Variants in AGO1 observed in about 807,000 individuals in gnomAD.
AGO1 encodes argonaute RISC component 1, also known as protein argonaute-1.
Under a neutral mutation model 109.2 loss-of-function variants are expected in AGO1, and 11 were observed. The ratio of observed to expected loss-of-function variants is 0.10; its 90% CI spans 0.06 to 0.17. The LOEUF is 0.17. Among genes scored for constraint, AGO1 ranks in the 10% least tolerant of loss-of-function variants. AGO1 has a pLI of 1.00. For synonymous variants in AGO1, 422 were observed against 418.6 expected (o/e 1.01, Z -0.10); for missense variants, 574 against 1,140.3 (o/e 0.50, Z 7.15).
In AGO1 at chr1:35,883,329, G is replaced by A. The variant is rs1645060253; in HGVS notation, c.-93G>A. 3 of 1,524,546 alleles carry A rather than the reference G, an allele frequency of 2.0e-6. No homozygotes were observed. Among genetic ancestry groups the A allele is most frequent in the African/African-American group, 2.9e-5 (2 of 69,738 alleles). The allele number at this position is 1,524,546 out of a possible 1,614,324, so 94.4% of individuals were successfully genotyped here. ...TTGGTAGGGGAGCCGAGCCCGGCCCGGGATCCCGAGCAGCGAGAGTGTGGG... is the reference window on the plus strand; with the variant it reads ...TTGGTAGGGGAGCCGAGCCCGGCCCAGGATCCCGAGCAGCGAGAGTGTGGG... On this transcript the variant is annotated 5_prime_UTR_variant, in exon 1 of 19. Transcript: ENST00000373204. This position sits in a 1 kb window ranked among gnomAD's most constrained non-coding sequence, Gnocchi z 5.4.
At chr1:35,895,091 G>A in intron 7 of AGO1, 31 bp from the exon 8 acceptor site, 2 of 1,588,158 alleles carry the variant, frequency 1.3e-6, no homozygotes, top group Non-Finnish European at 1.7e-6. Flanking sequence ...GCTGGGTTAT[G>A]ACACCCCCTT....
chr1:35,915,072 C>G (rs1349492130), intron 14 of AGO1, among the ~76,000 whole-genome samples: 2 of 152,148 alleles, frequency 1.3e-5, no homozygotes, highest in Admixed American at 1.3e-4. Flanking sequence ...TATCAAGTAC[C>G]TACTGTGGGC....
intron 12 of AGO1, among the ~76,000 whole-genome samples, chr1:35,911,931 T>C (rs1232797483): frequency 6.6e-6 from 1 of 152,208 alleles, no homozygotes; most frequent in Non-Finnish European, 1.5e-5. Context: ...TATCTTAGTC[T>C]TCCTTCTAGC....
At chr1:35,886,018 G>GA (rs943404025) in intron 1 of AGO1, among the ~76,000 whole-genome samples, 1 of 152,204 alleles carries the variant, frequency 6.6e-6, no homozygotes, top group Admixed American at 6.5e-5. Context: ...GGCTCCTTGG[G>GA]AGGTGTGTGG....
At chr1:35,913,724 AC>A in intron 12 of AGO1, 117 bp from the exon 13 acceptor site, 1 of 1,018,854 alleles carries the variant, frequency 9.8e-7, no homozygotes, top group Non-Finnish European at 1.4e-6. Context: ...GAGAGTAAGG[AC>A]CTTATGTGTT....
At position 35,930,328 on chromosome 1, in the gene AGO1, A is replaced by G. The variant is rs1042173951; in HGVS notation, c.*10721A>G. On this transcript the variant is annotated 3_prime_UTR_variant, in exon 19 of 19. Coordinates refer to ENST00000373204, the MANE Select transcript of AGO1 (RefSeq NM_012199.5). ...GGCGTAAGGGGAGGGTGGAGAAGAG[A>G]GAGAGGGTTCCTGGCCAAGGGAACC... 1 of 152,194 alleles carries G rather than the reference A, an allele frequency of 6.6e-6. No homozygotes were observed. The highest frequency in any genetic ancestry group is 1.5e-5 in the Non-Finnish European group (1 of 68,044). 9.4% of individuals were successfully genotyped at this position (152,194 alleles called of 1,614,324 possible).
intron 8 of AGO1, among the ~76,000 whole-genome samples, chr1:35,898,562 A>G (rs2148713879): frequency 6.6e-6 from 1 of 152,306 alleles, no homozygotes; most frequent in Middle Eastern, 3.4e-3. Context: ...GCCAATGTTT[A>G]ACATCGTGAT....
rs1645066087 is a variant in AGO1, at chr1:35,883,549, A to G, written c.25+103A>G. On this transcript the variant is annotated intron_variant, in intron 1 of 18. Coordinates refer to ENST00000373204, the MANE Select transcript of AGO1 (RefSeq NM_012199.5). This position sits in a 1 kb window ranked among gnomAD's most constrained non-coding sequence, Gnocchi z 5.4. ...GATGGAAGCGCTCCTGAGTGAGGAGAAGGGCTCTCCCACGATGGGGGCCCA... is the reference window on the plus strand; with the variant it reads ...GATGGAAGCGCTCCTGAGTGAGGAGGAGGGCTCTCCCACGATGGGGGCCCA... 2 of 1,415,944 alleles carry G rather than the reference A, an allele frequency of 1.4e-6. No homozygotes were observed. The highest frequency in any genetic ancestry group is 3.5e-5 in the Admixed American group (1 of 28,180). The allele number at this position is 1,415,944 out of a possible 1,614,324, so 87.7% of individuals were successfully genotyped here.
chr1:35,915,142 T>C (rs1645711638), intron 14 of AGO1, among the ~76,000 whole-genome samples: 1 of 152,070 alleles, frequency 6.6e-6, no homozygotes, highest in South Asian at 2.1e-4. Flanking sequence ...GGTGTTCTTA[T>C]CACCATCTGA....
At position 35,915,559 on chromosome 1, in the gene AGO1, G is replaced by A. The variant is rs1228364108; in HGVS notation, c.2028+17G>A. On this transcript the variant is annotated intron_variant, in intron 15 of 18. Transcript: ENST00000373204. ...CTACCCCAGGTAGGGCCCACAGTAGGTGGAGAAAACCTTCACATCATGGCT... is the reference window on the plus strand; with the variant it reads ...CTACCCCAGGTAGGGCCCACAGTAGATGGAGAAAACCTTCACATCATGGCT... 1.2e-6 allele frequency: 2 copies of A among 1,610,438 alleles called. No homozygotes were observed. The highest frequency in any genetic ancestry group is 4.5e-5 in the East Asian group (2 of 44,820).
At chr1:35,910,509 T>G (rs1645612708) in intron 12 of AGO1, among the ~76,000 whole-genome samples, 4 of 152,170 alleles carry the variant, frequency 2.6e-5, no homozygotes, top group Non-Finnish European at 5.9e-5. Context: ...CAGCAGAACC[T>G]TACCACAGCC....
Position 35,894,383 on chromosome 1 carries a change from C to T in AGO1, c.853C>T (p.Arg285Cys), listed in dbSNP as rs1645279588. ...GTACCGCGTGTGTAATGTTACCCGTCGCCCTGCTAGCCATCAGACGTAAGT... is the reference window on the plus strand; with the variant it reads ...GTACCGCGTGTGTAATGTTACCCGTTGCCCTGCTAGCCATCAGACGTAAGT... ...RKYRVCNVTR[R>C]PASHQTFPLQ... The change falls in exon 7 of 19, where the codon CGC becomes TGC. Residue 285 changes from arginine to cysteine, a missense_variant. Arg to Cys is a radical substitution (Grantham distance 180). Around this residue, in one of 8 missense-constraint regions of AGO1, gnomAD observed 42 missense variants for 142.4 expected, o/e 0.29. Transcript: ENST00000373204. The T allele has an allele frequency of 1.2e-6, 2 of 1,614,000 alleles. No individual in the cohort carries two copies. The highest frequency in any genetic ancestry group is 2.7e-5 in the African/African-American group (2 of 74,910).
At chr1:35,886,189 G>A (rs1645116862) in intron 1 of AGO1, among the ~76,000 whole-genome samples, 1 of 152,148 alleles carries the variant, frequency 6.6e-6, no homozygotes, top group Admixed American at 6.5e-5. Context: ...TTCCCCCTAG[G>A]CCCAAGCTTT....
chr1:35,915,122 G>A (rs1177225305), intron 14 of AGO1, among the ~76,000 whole-genome samples: 2 of 152,074 alleles, frequency 1.3e-5, no homozygotes, highest in Non-Finnish European at 1.5e-5. Context: ...CCCCAGTAGC[G>A]CTGCAAGCAG....
chr1:35,914,118 G>A lies in AGO1; in HGVS notation c.1743-66G>A, dbSNP rs1221332135. ...CATAAGGGGGAGAAGAGCAGAGTGGGTACTGGATGGTGCCAGCTAGAGAAG... is the reference window on the plus strand; with the variant it reads ...CATAAGGGGGAGAAGAGCAGAGTGGATACTGGATGGTGCCAGCTAGAGAAG... On this transcript the variant is annotated intron_variant, in intron 13 of 18. Coordinates refer to ENST00000373204, the MANE Select transcript of AGO1 (RefSeq NM_012199.5). 6.9e-6 allele frequency: 11 copies of A among 1,591,928 alleles called. No individual in the cohort carries two copies. The African/African-American group carries it at 1.3e-4, about 19-fold the overall frequency.
chr1:35,893,354 A>G lies in AGO1; in HGVS notation c.512+76A>G. The G allele has an allele frequency of 6.7e-7, 1 of 1,490,926 alleles. No individual in the cohort carries two copies. Among genetic ancestry groups the G allele is most frequent in the South Asian group, 1.3e-5 (1 of 79,574 alleles). The allele number at this position is 1,490,926 out of a possible 1,614,324, so 92.4% of individuals were successfully genotyped here. A position where few individuals can be genotyped will look rare whatever the true frequency, so the allele number is the denominator to read the frequency against. On this transcript the variant is annotated intron_variant, in intron 4 of 18. Transcript: ENST00000373204. The surrounding 1 kb of genome is among the most constrained non-coding windows in gnomAD (Gnocchi z 5.6). ...CAGGGGAGGAGGGGGAGCACATATT[A>G]AGGTCCCACAGAGTGCCATTAAAAA...
intron 12 of AGO1, 31 bp from the exon 13 acceptor site, chr1:35,913,811 A>G (rs1182742704): frequency 1.9e-6 from 3 of 1,606,264 alleles, no homozygotes; most frequent in Admixed American, 3.3e-5. Context: ...TATTTGTTGA[A>G]TGCACTAATC....
intron 12 of AGO1, among the ~76,000 whole-genome samples, chr1:35,910,962 A>G (rs572300358): frequency 6.6e-6 from 1 of 152,332 alleles, no homozygotes; most frequent in South Asian, 2.1e-4. Flanking sequence ...GCTACTCGGG[A>G]GGCTGAGGCC....
chr1:35,895,294 G>A (rs779241684), intron 8 of AGO1, 25 bp downstream of exon 8: 2 of 1,606,096 alleles, frequency 1.2e-6, no homozygotes, highest in Non-Finnish European at 1.7e-6. Context: ...TAATGGCTGG[G>A]GAATAGGCAT....
Sources: allele counts gnomAD v4.1 joint callset (sites outside exome capture counted in the v4.1 genomes callset), GRCh38; gene constraint gnomAD v4.1.1; regional missense constraint gnomAD v4.1.1; non-coding constraint Gnocchi (gnomAD v3.1); transcripts MANE v1.5; gene names NCBI Gene and HGNC (gene_info 2026-07-23, HGNC 2026-07-21).